The following DACH2 variants were observed in gnomAD, a reference collection of about 807,000 sequenced individuals.
DACH2 encodes the protein dachshund family transcription factor 2, also known as dachshund homolog 2.
Under a neutral mutation model 35.8 loss-of-function variants are expected in DACH2, and 17 were observed. That is an observed-to-expected ratio of 0.48 (90% CI 0.33 to 0.71). The LOEUF is 0.71. DACH2 is among the 30% of genes least tolerant of loss of function. The pLI is 0.02. For missense variants in DACH2, 469 were observed against 472.7 expected, an observed-to-expected ratio of 0.99 and a Z score of 0.07; for synonymous variants, 195 against 177.3, an observed-to-expected ratio of 1.10 and a Z score of -0.79.
rs1269727854 is a variant in DACH2, at chrX:86,148,976, C to T, written c.356C>T (p.Ser119Phe). ...ACCAAGCTGAAGAGACTGGATATAT[C>T]CCCCGTGGTGTGTACTGTTGAGCAG... ...VYTKLKRLDI[S>F]PVVCTVEQVR... is the part of the protein sequence containing the mutation. Residue 119 changes from serine (S) to phenylalanine (F), a missense_variant, in exon 1 of 12, where the codon TCC (serine) becomes TTC (phenylalanine). Ser to Phe is a radical substitution (Grantham distance 155). Coordinates refer to ENST00000373125, the MANE Select transcript of DACH2 (RefSeq NM_053281.3). 8.3e-7 allele frequency: 1 copy of T among 1,211,304 alleles called. No individual in the cohort carries two copies. The highest frequency in any genetic ancestry group is 1.1e-6 in the Non-Finnish European group (1 of 895,448).
intron 1 of DACH2, among the ~76,000 whole-genome samples, chrX:86,276,748 G>A (rs771927784): frequency 1.8e-3 from 204 of 111,960 alleles, no homozygotes; most frequent in African/African-American, 6.1e-3. Flanking sequence ...TCTGCATGTG[G>A]AATTCCAATT....
chrX:86,628,548 C>T (rs1337870160), intron 3 of DACH2, among the ~76,000 whole-genome samples: 1 of 112,674 alleles, frequency 8.9e-6, no homozygotes, highest in Non-Finnish European at 1.9e-5. Context: ...AAATATGTTG[C>T]AAGCAACATT....
At chrX:86,814,324 G>T (rs1264215644) in intron 9 of DACH2, among the ~76,000 whole-genome samples, 3 of 111,953 alleles carry the variant, frequency 2.7e-5, no homozygotes, top group Non-Finnish European at 5.6e-5. Flanking sequence ...TGAATAATAA[G>T]AATATTTTTC....
At position 86,444,068 on chromosome X, in the gene DACH2, T is replaced by A. The variant is rs182281291; in HGVS notation, c.527+67206T>A. ...GTTTTTGGAATAATTTGAGATAGAA[T>A]TGGTAGTAGCTGTTTACATTATTTT... is the stretch of plus-strand genomic sequence containing the variant. On this transcript the variant is annotated intron_variant, in intron 2 of 11. Transcript: ENST00000373125. Among the ~76,000 whole-genome samples the A allele has an allele frequency of 8.6e-3, 960 of 111,266 alleles. 6 individuals carry two copies. Among genetic ancestry groups the A allele is most frequent in the Middle Eastern group, 0.018 (4 of 217 alleles).
intron 3 of DACH2, among the ~76,000 whole-genome samples, chrX:86,523,367 A>G (rs1039220337): frequency 9.0e-6 from 1 of 111,630 alleles, no homozygotes; most frequent in Non-Finnish European, 1.9e-5. Flanking sequence ...CTTAGATTGG[A>G]TGCTAAGAAG....
intron 7 of DACH2, among the ~76,000 whole-genome samples, chrX:86,752,474 A>C (rs1216963173): frequency 4.5e-5 from 5 of 111,931 alleles, no homozygotes; most frequent in Non-Finnish European, 7.5e-5. Context: ...CTTTTGAAAT[A>C]AAGTTTTTAT....
At chrX:86,574,680 A>C (rs2148334784) in intron 3 of DACH2, among the ~76,000 whole-genome samples, 1 of 111,854 alleles carries the variant, frequency 8.9e-6, no homozygotes, top group African/African-American at 3.2e-5. Flanking sequence ...GTATTGTTAC[A>C]TGTGAAATTT....
At chrX:86,660,396 A>G (rs2040592817) in intron 4 of DACH2, among the ~76,000 whole-genome samples, 1 of 111,937 alleles carries the variant, frequency 8.9e-6, no homozygotes, top group Non-Finnish European at 1.9e-5. Flanking sequence ...CATTTGCAGT[A>G]TCTTCCAAGA....
chrX:86,382,502 A>ACACACG (rs1556048141), intron 2 of DACH2, among the ~76,000 whole-genome samples: 4 of 107,421 alleles, frequency 3.7e-5, no homozygotes, highest in African/African-American at 1.4e-4. Flanking sequence ...ACACACACAC[A>ACACACG]CACGTCCTCT....
intron 3 of DACH2, among the ~76,000 whole-genome samples, chrX:86,589,367 ACT>A (rs2039614640): frequency 9.1e-6 from 1 of 110,382 alleles, no homozygotes; most frequent in South Asian, 3.8e-4. Flanking sequence ...ATATTACCTC[ACT>A]CTATTTTTTA....
At chrX:86,149,488 C>A (rs983756946) in intron 1 of DACH2, among the ~76,000 whole-genome samples, 1 of 112,106 alleles carries the variant, frequency 8.9e-6, no homozygotes, top group Non-Finnish European at 1.9e-5. Context: ...CTTCTGAACA[C>A]GGATACCAAG....
intron 1 of DACH2, among the ~76,000 whole-genome samples, chrX:86,210,138 G>A (rs926996205): frequency 8.9e-6 from 1 of 111,781 alleles, no homozygotes; most frequent in Non-Finnish European, 1.9e-5. Context: ...GTGCAGTGCA[G>A]TGAAGAATGG....
intron 6 of DACH2, among the ~76,000 whole-genome samples, chrX:86,717,261 A>G (rs984749580): frequency 2.7e-5 from 3 of 110,886 alleles, no homozygotes; most frequent in African/African-American, 9.8e-5. Flanking sequence ...TCCATTGTTT[A>G]TCATTCCACA....
intron 1 of DACH2, among the ~76,000 whole-genome samples, chrX:86,198,214 A>G (rs1050019352): frequency 4.5e-5 from 5 of 112,247 alleles, no homozygotes; most frequent in Admixed American, 3.8e-4. Context: ...CTTTGAAACT[A>G]ATGAAAGCAA....
At chrX:86,530,181 A>G in intron 3 of DACH2, among the ~76,000 whole-genome samples, 1 of 112,127 alleles carries the variant, frequency 8.9e-6, no homozygotes, top group Non-Finnish European at 1.9e-5. Flanking sequence ...TTATTTACTA[A>G]TTTAAAAAAA....
At chrX:86,481,963 C>A (rs1398411483) in intron 2 of DACH2, 2 of 112,183 alleles carry the variant, frequency 1.8e-5, no homozygotes, top group Non-Finnish European at 3.8e-5. Flanking sequence ...TAAATACACT[C>A]AATCATTGAT....
intron 1 of DACH2, among the ~76,000 whole-genome samples, chrX:86,168,845 T>C (rs1441224954): frequency 3.6e-5 from 4 of 111,410 alleles, no homozygotes; most frequent in Non-Finnish European, 7.6e-5. Flanking sequence ...TATATTTTAT[T>C]GTACTGACTA....
intron 1 of DACH2, among the ~76,000 whole-genome samples, chrX:86,285,672 T>C (rs777620561): frequency 1.0e-3 from 115 of 111,959 alleles, no homozygotes; most frequent in African/African-American, 3.5e-3. Context: ...ATATCTATTA[T>C]GTTCATTCGG....
At chrX:86,791,339 A>G (rs1046049861) in intron 7 of DACH2, among the ~76,000 whole-genome samples, 1 of 112,266 alleles carries the variant, frequency 8.9e-6, no homozygotes, top group Admixed American at 9.5e-5. Context: ...GAATGCTAGA[A>G]GAATCATACA....
Sources: allele counts gnomAD v4.1 joint callset (sites outside exome capture counted in the v4.1 genomes callset), GRCh38; gene constraint gnomAD v4.1.1; transcripts MANE v1.5; gene names NCBI Gene and HGNC (gene_info 2026-07-23, HGNC 2026-07-21).